Variants in RAP1GAP2 observed in about 807,000 individuals in gnomAD.
RAP1GAP2 encodes the protein rap1 GTPase-activating protein 2.
A neutral mutation model predicts 95.0 loss-of-function variants in RAP1GAP2; 27 were observed. The observed-to-expected ratio is 0.28, with a 90% CI of 0.21 to 0.39. RAP1GAP2 has a LOEUF of 0.39. RAP1GAP2 is among the 10% of genes least tolerant of loss of function. The probability of loss-of-function intolerance (pLI) is 1.00; values close to 1 mark genes in which losing one functional copy is unlikely to be tolerated. For synonymous variants in RAP1GAP2, 373 were observed against 380.9 expected (o/e 0.98, Z 0.24); for missense variants, 771 against 970.0 (o/e 0.79, Z 2.72).
intron 3 of RAP1GAP2, among the ~76,000 whole-genome samples, chr17:2,915,611 T>G (rs1054389038): frequency 6.6e-6 from 1 of 152,238 alleles, no homozygotes; most frequent in Admixed American, 6.5e-5. Flanking sequence ...CTCTTTCCTT[T>G]TATGTCTGTA....
intron 3 of RAP1GAP2, among the ~76,000 whole-genome samples, chr17:2,944,177 A>C (rs986984626): frequency 2.6e-5 from 4 of 151,768 alleles, no homozygotes; most frequent in African/African-American, 9.7e-5. Flanking sequence ...AAAAAAAAAA[A>C]AAAAAACCAA....
chr17:2,833,105 C>T (rs1165364544), intron 2 of RAP1GAP2, among the ~76,000 whole-genome samples: 1 of 151,898 alleles, frequency 6.6e-6, no homozygotes, highest in Non-Finnish European at 1.5e-5. Context: ...TATACCACAC[C>T]CTGCTTATCT....
chr17:2,805,502 TGC>T (rs1198988824), intron 2 of RAP1GAP2, among the ~76,000 whole-genome samples: 32 of 152,052 alleles, frequency 2.1e-4, no homozygotes. Flanking sequence ...ATTACAGGTG[TGC>T]ACCACCACGC....
At chr17:2,972,970 A>G (rs1372410301) in intron 8 of RAP1GAP2, among the ~76,000 whole-genome samples, 3 of 152,118 alleles carry the variant, frequency 2.0e-5, no homozygotes, top group African/African-American at 7.2e-5. Context: ...TCTCGGTCTT[A>G]CTCATCATCT....
At chr17:3,017,669 A>G (rs944424353) in intron 17 of RAP1GAP2, among the ~76,000 whole-genome samples, 2 of 152,220 alleles carry the variant, frequency 1.3e-5, no homozygotes, top group East Asian at 1.9e-4. Context: ...CAGATGAGGA[A>G]GCTGTAGCTT....
At chr17:2,988,931 C>T (rs780626215) in intron 11 of RAP1GAP2, among the ~76,000 whole-genome samples, 3 of 151,974 alleles carry the variant, frequency 2.0e-5, no homozygotes, top group Admixed American at 6.6e-5. Flanking sequence ...TGGTAGTGGG[C>T]GCCTGTAGTC....
chr17:3,015,395 G>C (rs973865888), intron 17 of RAP1GAP2, among the ~76,000 whole-genome samples: 1 of 152,136 alleles, frequency 6.6e-6, no homozygotes, highest in African/African-American at 2.4e-5. Context: ...GGCAGGATGG[G>C]GTTCTTTGCC....
chr17:2,912,271 C>T (rs947420460), intron 3 of RAP1GAP2, among the ~76,000 whole-genome samples: 4 of 152,112 alleles, frequency 2.6e-5, no homozygotes, highest in East Asian at 3.9e-4. Context: ...GATTACCCAC[C>T]GGCCACCCTC....
intron 3 of RAP1GAP2, among the ~76,000 whole-genome samples, chr17:2,952,240 A>G (rs370218033): frequency 5.9e-5 from 9 of 152,014 alleles, no homozygotes; most frequent in African/African-American, 7.2e-5. Flanking sequence ...TCAAAACTCT[A>G]TTTTTCTCAC....
chr17:2,901,146 G>T (rs2042014393), intron 2 of RAP1GAP2, among the ~76,000 whole-genome samples: 1 of 152,158 alleles, frequency 6.6e-6, no homozygotes, highest in Non-Finnish European at 1.5e-5. Context: ...ACGCGTCCTG[G>T]TCTCCCTGAG....
intron 3 of RAP1GAP2, among the ~76,000 whole-genome samples, chr17:2,933,792 C>A (rs1486477725): frequency 6.6e-6 from 1 of 151,780 alleles, no homozygotes; most frequent in African/African-American, 2.4e-5. Flanking sequence ...AGGCTTAGAC[C>A]TGAAGCTGAG....
intron 2 of RAP1GAP2, among the ~76,000 whole-genome samples, chr17:2,840,936 T>C (rs1294849833): frequency 6.6e-6 from 1 of 152,102 alleles, no homozygotes; most frequent in African/African-American, 2.4e-5. Context: ...AGGTGGAGGC[T>C]GCAGTGAGCC....
At chr17:2,945,254 T>A (rs1380667583) in intron 3 of RAP1GAP2, among the ~76,000 whole-genome samples, 1 of 152,178 alleles carries the variant, frequency 6.6e-6, no homozygotes, top group Non-Finnish European at 1.5e-5. Context: ...TTATTTTTAT[T>A]ATTTTTATTG....
chr17:3,028,781 A>C (rs1215347463), intron 22 of RAP1GAP2, among the ~76,000 whole-genome samples: 1 of 152,066 alleles, frequency 6.6e-6, no homozygotes, highest in Non-Finnish European at 1.5e-5. Context: ...CCTCATCTGT[A>C]AAAGGGGGTG....
chr17:2,756,033 G>C (rs1163506272), intron 1 of RAP1GAP2, among the ~76,000 whole-genome samples: 1 of 151,782 alleles, frequency 6.6e-6, no homozygotes, highest in Non-Finnish European at 1.5e-5. Flanking sequence ...GGGGAACCCC[G>C]TCCCCCTCCC....
At chr17:2,770,798 T>C (rs1317545920) in intron 2 of RAP1GAP2, among the ~76,000 whole-genome samples, 1 of 152,072 alleles carries the variant, frequency 6.6e-6, no homozygotes, top group Non-Finnish European at 1.5e-5. Flanking sequence ...CCCAGCACTT[T>C]GGGAGGCTGA....
intron 2 of RAP1GAP2, among the ~76,000 whole-genome samples, chr17:2,811,965 T>G (rs991875279): frequency 2.0e-5 from 3 of 152,164 alleles, no homozygotes; most frequent in Non-Finnish European, 4.4e-5. Flanking sequence ...TCCCCCCAGC[T>G]CGGCCTCCCA....
At chr17:2,848,702 C>CG (rs1254613339) in intron 2 of RAP1GAP2, among the ~76,000 whole-genome samples, 5 of 151,936 alleles carry the variant, frequency 3.3e-5, no homozygotes, top group South Asian at 4.1e-4. Context: ...TTAGTAGAGA[C>CG]GGGGTTTCAC....
intron 5 of RAP1GAP2, 87 bp downstream of exon 5, chr17:2,962,801 G>C (rs2044395912): frequency 7.8e-7 from 1 of 1,287,412 alleles, no homozygotes; most frequent in Non-Finnish European, 1.1e-6. Flanking sequence ...CGGGATGCTG[G>C]GGTCTTCTGT....
Sources: allele counts gnomAD v4.1 joint callset (sites outside exome capture counted in the v4.1 genomes callset), GRCh38; gene constraint gnomAD v4.1.1; transcripts MANE v1.5; gene names NCBI Gene and HGNC (gene_info 2026-07-23, HGNC 2026-07-21).